ATL1: variants seen among roughly 807,000 people sequenced by gnomAD.
The protein encoded by ATL1 is atlastin-1.
In ATL1, 31 loss-of-function variants were observed where a neutral mutation model predicts 75.5. That is an observed-to-expected ratio of 0.41 (90% CI 0.31 to 0.55). The LOEUF (loss-of-function observed/expected upper bound fraction) is 0.55. Ranked by LOEUF, ATL1 falls within the 20% of genes least tolerant of loss-of-function variation. The probability of loss-of-function intolerance (pLI) is 0.27; values close to 1 mark genes in which losing one functional copy is unlikely to be tolerated. For missense variants in ATL1, 405 were observed against 662.6 expected, an observed-to-expected ratio of 0.61 and a Z score of 4.27; for synonymous variants, 226 against 233.3, an observed-to-expected ratio of 0.97 and a Z score of 0.28.
exon 1 of ATL1, chr14:50,533,182 G>A (rs1200313366): frequency 2.0e-5 from 3 of 152,250 alleles, no homozygotes; most frequent in Non-Finnish European, 4.4e-5. Flanking sequence ...AATGACCTTT[G>A]TCCCTGTTGG....
intron 1 of ATL1, among the ~76,000 whole-genome samples, chr14:50,583,122 A>T (rs2039072472): frequency 6.6e-6 from 1 of 152,196 alleles, no homozygotes; most frequent in Non-Finnish European, 1.5e-5. Context: ...TAACCCCAAT[A>T]GGCAAATATT....
intron 11 of ATL1, among the ~76,000 whole-genome samples, chr14:50,626,670 T>C (rs1475050911): frequency 6.6e-6 from 1 of 152,248 alleles, no homozygotes; most frequent in African/African-American, 2.4e-5. Context: ...GTACATATGA[T>C]AAATTGATAC....
chr14:50,612,119 T>C (rs905749160), intron 6 of ATL1, among the ~76,000 whole-genome samples: 1 of 152,128 alleles, frequency 6.6e-6, no homozygotes, highest in East Asian at 1.9e-4. Flanking sequence ...CTCACAAATA[T>C]AATGTTGAGT....
At chr14:50,593,410 G>C (rs1004550205) in intron 4 of ATL1, among the ~76,000 whole-genome samples, 6 of 152,084 alleles carry the variant, frequency 3.9e-5, no homozygotes, top group African/African-American at 1.4e-4. Flanking sequence ...ATGATATTCA[G>C]AACCTAACTT....
In ATL1 at chr14:50,560,226, G is replaced by T. The variant is rs750574546; in HGVS notation, c.-40G>T. 1.9e-6 allele frequency: 3 copies of T among 1,612,252 alleles called. No individual in the cohort carries two copies. The highest frequency in any genetic ancestry group is 1.7e-5 in the Admixed American group (1 of 59,826). ...TGCGGCCCCGGAGAAGGCAGCGAGC[G>T]CAGTGACAGCGCCTCACCGCCACCA... On this transcript the variant is annotated 5_prime_UTR_variant, in exon 1 of 14. Transcript: ENST00000358385.
At chr14:50,590,830 A>G in intron 2 of ATL1, 111 bp from the exon 3 acceptor site, 1 of 1,118,574 alleles carries the variant, frequency 8.9e-7, no homozygotes, top group South Asian at 1.3e-5. Context: ...AGATGTGCAT[A>G]TGTTGTTTCC....
chr14:50,620,112 G>T (rs1366497176), intron 8 of ATL1, among the ~76,000 whole-genome samples: 5 of 152,064 alleles, frequency 3.3e-5, no homozygotes, highest in Non-Finnish European at 7.4e-5. Flanking sequence ...ACAAAAATTA[G>T]CTGGGCATAG....
rs1446555904 is a variant in ATL1 at position 50,574,935 on chromosome 14, G to GTCTATATATATA, written c.35-12895_35-12894insCTATATATATAT. Among the ~76,000 whole-genome samples the GTCTATATATATA allele has an allele frequency of 1.4e-4, 5 of 34,594 alleles. No individual in the cohort carries two copies. In the Admixed American group the frequency reaches 1.6e-3, roughly 11 times the overall value. The allele number at this position is 34,594 out of a possible 152,430, so 22.7% of individuals were successfully genotyped here. On this transcript the variant is annotated intron_variant, in intron 1 of 13. Coordinates refer to ENST00000358385, the MANE Select transcript of ATL1 (RefSeq NM_015915.5). ...TGTGTGTGTGTGTGTGTGTGTGTGT[G>GTCTATATATATA]TGTATATATATATATATATATATAT...
intron 1 of ATL1, among the ~76,000 whole-genome samples, chr14:50,553,499 G>T (rs2038728410): frequency 1.3e-5 from 2 of 152,054 alleles, no homozygotes; most frequent in Non-Finnish European, 2.9e-5. Flanking sequence ...TTACGCTGCT[G>T]GTGGGAATGT....
intron 12 of ATL1, among the ~76,000 whole-genome samples, chr14:50,629,621 T>C (rs1013683307): frequency 7.9e-5 from 12 of 151,390 alleles, no homozygotes; most frequent in African/African-American, 2.9e-4. Flanking sequence ...ATATACTTTA[T>C]AACATAATTG....
At chr14:50,620,488 A>T in intron 8 of ATL1, 111 bp from the exon 9 acceptor site, 2 of 1,144,188 alleles carry the variant, frequency 1.7e-6, no homozygotes, top group Non-Finnish European at 2.5e-6. Context: ...GAAGTGAGTG[A>T]TGGCATTATC....
At chr14:50,545,949 GCTCT>G (rs1234183801) in intron 1 of ATL1, among the ~76,000 whole-genome samples, 2 of 152,160 alleles carry the variant, frequency 1.3e-5, no homozygotes, top group Non-Finnish European at 2.9e-5. Flanking sequence ...ATCTTCTGAA[GCTCT>G]CTATTTCTCT....
chr14:50,540,780 A>G (rs960592167), intron 1 of ATL1, among the ~76,000 whole-genome samples: 4 of 152,192 alleles, frequency 2.6e-5, no homozygotes. Context: ...GGGAGCTATT[A>G]TGATAGGTAG....
chr14:50,561,190 C>G (rs1365951469), intron 1 of ATL1: 1 of 152,202 alleles, frequency 6.6e-6, no homozygotes, highest in Non-Finnish European at 1.5e-5. Flanking sequence ...AATCGCGGCC[C>G]CGCCCGCCTT....
upstream of ATL1, chr14:50,559,792 T>G (rs1394576532): frequency 1.3e-5 from 2 of 159,646 alleles, no homozygotes; most frequent in Admixed American, 6.2e-5. Context: ...TTTTAGCTAC[T>G]TTGGCTATAT....
chr14:50,533,473 A>AG (rs2038449091), intron 1 of ATL1: 1 of 152,184 alleles, frequency 6.6e-6, no homozygotes, highest in African/African-American at 2.4e-5. Context: ...AACAATGCAC[A>AG]GCATATATGG....
upstream of ATL1, among the ~76,000 whole-genome samples, chr14:50,556,009 A>G (rs752115951): frequency 5.7e-4 from 87 of 152,226 alleles, no homozygotes; most frequent in Non-Finnish European, 1.6e-4. Flanking sequence ...AATTGAGGAT[A>G]CAGGGGGAAG....
At chr14:50,566,111 C>A (rs2038901376) in intron 1 of ATL1, among the ~76,000 whole-genome samples, 1 of 152,164 alleles carries the variant, frequency 6.6e-6, no homozygotes, top group East Asian at 1.9e-4. Flanking sequence ...AATTCTCCTG[C>A]CTCAGCCTCC....
rs3080579 is a variant in ATL1, at chr14:50,629,892, G to GTTCTT, written c.1552-103_1552-102insTTCTT. ...AAAAATCTGCAGGAGTATCTGTTCT[G>GTTCTT]AAATGCTCACAAATTAATATTGTAA... On this transcript the variant is annotated intron_variant, in intron 12 of 13. Transcript: ENST00000358385. 0.73 allele frequency: 635,760 copies of GTTCTT among 865,544 alleles called. 236,854 individuals carry two copies. The highest frequency in any genetic ancestry group is 0.93 in the African/African-American group (54,035 of 57,804). 53.6% of individuals were successfully genotyped at this position (865,544 alleles called of 1,614,324 possible). A position where few individuals can be genotyped will look rare whatever the true frequency, so the allele number is the denominator to read the frequency against.
Sources: allele counts gnomAD v4.1 joint callset (sites outside exome capture counted in the v4.1 genomes callset), GRCh38; gene constraint gnomAD v4.1.1; transcripts MANE v1.5; gene names NCBI Gene and HGNC (gene_info 2026-07-23, HGNC 2026-07-21).